Variants in NCOA1 observed in about 807,000 individuals in gnomAD.
NCOA1 encodes nuclear receptor coactivator 1.
In NCOA1, 35 loss-of-function variants were observed where a neutral mutation model predicts 150.9. The ratio of observed to expected loss-of-function variants is 0.23; its 90% CI spans 0.18 to 0.31. NCOA1 has a LOEUF of 0.31. Ranked by LOEUF, NCOA1 falls within the 10% of genes least tolerant of loss-of-function variation. The pLI, the probability that NCOA1 is intolerant of heterozygous loss-of-function variation, is 1.00. For synonymous variants in NCOA1, 590 were observed against 630.0 expected, an observed-to-expected ratio of 0.94 and a Z score of 0.95; for missense variants, 1,491 against 1,749.3, an observed-to-expected ratio of 0.85 and a Z score of 2.63.
chr2:24,631,452 A>G (rs1669705234), intron 3 of NCOA1, among the ~76,000 whole-genome samples: 2 of 152,228 alleles, frequency 1.3e-5, no homozygotes, highest in South Asian at 4.1e-4. Flanking sequence ...TGTTTTTGAT[A>G]ACAAATTTTC....
At chr2:24,699,894 C>T (rs932862127) in intron 11 of NCOA1, among the ~76,000 whole-genome samples, 1 of 152,260 alleles carries the variant, frequency 6.6e-6, no homozygotes, top group Non-Finnish European at 1.5e-5. Flanking sequence ...CCTGTAATCC[C>T]AACACTTTGG....
rs1211788149 is a variant in NCOA1 at position 24,668,566 on chromosome 2, A to T, written c.256+2651A>T. Reference sequence around the variant, plus strand: ...ATGAGTGCCAAATAGACATGCTCAGACATTCAGAGTCTCAAAGGTATTACC... The same window carrying T: ...ATGAGTGCCAAATAGACATGCTCAGTCATTCAGAGTCTCAAAGGTATTACC... On this transcript the variant is annotated intron_variant, in intron 6 of 22. Coordinates refer to ENST00000348332, the MANE Select transcript of NCOA1 (RefSeq NM_003743.5). Among the ~76,000 whole-genome samples, 3 of 152,306 alleles carry T rather than the reference A, an allele frequency of 2.0e-5. No homozygotes were observed. The East Asian group carries it at 5.8e-4, about 29-fold the overall frequency.
intron 13 of NCOA1, among the ~76,000 whole-genome samples, chr2:24,709,005 G>A (rs564664284): frequency 6.6e-6 from 1 of 152,208 alleles, no homozygotes; most frequent in East Asian, 1.9e-4. Context: ...CTGTCCTTTT[G>A]TGGTGCTTCA....
In NCOA1 at chr2:24,567,635, A is replaced by C. The variant is rs190344815; in HGVS notation, c.-260+3205A>C. ...TAAGTTCTATATTCAGACCTTAACA[A>C]AAGTAAAGATTAGGGAATAGGAAGT... is the stretch of plus-strand genomic sequence containing the variant. On this transcript the variant is annotated intron_variant, in intron 2 of 22. Coordinates refer to ENST00000348332, the MANE Select transcript of NCOA1 (RefSeq NM_003743.5). 4.2e-3 allele frequency among the ~76,000 whole-genome samples: 635 copies of C among 152,356 alleles called. 3 individuals are homozygous for C. Among genetic ancestry groups the C allele is most frequent in the Middle Eastern group, 0.01 (3 of 294 alleles).
chr2:24,734,456 G>A (rs1265412460), intron 17 of NCOA1, among the ~76,000 whole-genome samples: 1 of 152,074 alleles, frequency 6.6e-6, no homozygotes, highest in African/African-American at 2.4e-5. Context: ...AATAAAATGA[G>A]GGTATACTTG....
intron 1 of NCOA1, among the ~76,000 whole-genome samples, chr2:24,549,281 T>G (rs1558785136): frequency 6.6e-6 from 1 of 152,016 alleles, no homozygotes; most frequent in Non-Finnish European, 1.5e-5. Context: ...ATGGCTGGAG[T>G]GGCTGGCACA....
intron 3 of NCOA1, among the ~76,000 whole-genome samples, chr2:24,610,446 G>A (rs991534613): frequency 5.3e-5 from 8 of 151,706 alleles, no homozygotes; most frequent in Admixed American, 2.6e-4. Flanking sequence ...CAGCCTTTAC[G>A]CTGCATTCTG....
intron 7 of NCOA1, among the ~76,000 whole-genome samples, chr2:24,675,607 G>A (rs532496545): frequency 2.0e-5 from 3 of 152,314 alleles, no homozygotes; most frequent in Non-Finnish European, 2.9e-5. Flanking sequence ...TAAACAGTCC[G>A]GGCGCGGTGC....
intron 8 of NCOA1, among the ~76,000 whole-genome samples, chr2:24,689,695 T>A (rs1406446891): frequency 6.6e-6 from 1 of 152,184 alleles, no homozygotes; most frequent in Non-Finnish European, 1.5e-5. Flanking sequence ...GTGGCACAAA[T>A]CCATTTTTTT....
chr2:24,604,442 TGCTGTTTAGTGTG>T (rs922602701), intron 3 of NCOA1, among the ~76,000 whole-genome samples: 2 of 152,254 alleles, frequency 1.3e-5, no homozygotes, highest in African/African-American at 4.8e-5. Flanking sequence ...CATTGAAATC[TGCTGTTTAGTGTG>T]GCCACTTTCA....
At position 24,660,249 on chromosome 2, in the gene NCOA1, T is replaced by C. The variant is rs56332314; in HGVS notation, c.89+1483T>C. ...AAGCTAAGAATAAATATCTTTTACA[T>C]TTAATTTTTTGTTTGGGGAAATTTT... On this transcript the variant is annotated intron_variant, in intron 5 of 22. Transcript: ENST00000348332. Among the ~76,000 whole-genome samples the C allele has an allele frequency of 5.7e-4, 87 of 152,318 alleles. 1 individual carries two copies. Among genetic ancestry groups the C allele is most frequent in the African/African-American group, 2.0e-3 (82 of 41,580 alleles).
intron 3 of NCOA1, among the ~76,000 whole-genome samples, chr2:24,619,846 T>G (rs537761042): frequency 6.6e-6 from 1 of 152,138 alleles, no homozygotes; most frequent in South Asian, 2.1e-4. Context: ...TGATAAATAA[T>G]AGAGATTATT....
chr2:24,644,691 C>T (rs1309186111), intron 4 of NCOA1, among the ~76,000 whole-genome samples: 1 of 151,934 alleles, frequency 6.6e-6, no homozygotes. Flanking sequence ...CAAGCCAAGA[C>T]AGTAGATAAA....
chr2:24,571,398 G>T (rs528176556), intron 2 of NCOA1, among the ~76,000 whole-genome samples: 72 of 152,300 alleles, frequency 4.7e-4, no homozygotes, highest in African/African-American at 1.7e-3. Context: ...GCCTGCAAGG[G>T]ACAGTTTTAC....
At chr2:24,593,961 G>A in intron 3 of NCOA1, among the ~76,000 whole-genome samples, 1 of 152,026 alleles carries the variant, frequency 6.6e-6, no homozygotes, top group Admixed American at 6.6e-5. Context: ...ACCATTCTTT[G>A]ATAAACAGAA....
chr2:24,653,696 C>T (rs1307537675), intron 4 of NCOA1, among the ~76,000 whole-genome samples: 2 of 152,056 alleles, frequency 1.3e-5, no homozygotes. Context: ...AATAAAAAAA[C>T]ATAGGCCCAG....
intron 1 of NCOA1, among the ~76,000 whole-genome samples, chr2:24,551,066 G>A (rs1244751041): frequency 6.7e-6 from 1 of 150,182 alleles, no homozygotes; most frequent in Admixed American, 6.6e-5. Flanking sequence ...CTGCACTCCA[G>A]CCTGGGTGAC....
Position 24,584,451 on chromosome 2 carries a change from T to C in NCOA1, c.-259-25T>C, listed in dbSNP as rs542566849. ...ATTGATCCAAGTAGATCCAATTGAT[T>C]GACTTACTGTTTTCCTAATTTCAGG... On this transcript the variant is annotated intron_variant, in intron 2 of 22. Coordinates refer to ENST00000348332, the MANE Select transcript of NCOA1 (RefSeq NM_003743.5). The C allele has an allele frequency of 2.0e-5, 3 of 152,320 alleles. No individual in the cohort carries two copies. The South Asian group carries it at 6.2e-4, about 32-fold the overall frequency. 9.4% of individuals were successfully genotyped at this position (152,320 alleles called of 1,614,324 possible). A position where few individuals can be genotyped will look rare whatever the true frequency, so the allele number is the denominator to read the frequency against.
intron 3 of NCOA1, among the ~76,000 whole-genome samples, chr2:24,611,986 T>C (rs1668650166): frequency 6.6e-6 from 1 of 152,192 alleles, no homozygotes; most frequent in Admixed American, 6.5e-5. Context: ...GTAGTTTCTA[T>C]TGTGTGGTTG....
Sources: allele counts gnomAD v4.1 joint callset (sites outside exome capture counted in the v4.1 genomes callset), GRCh38; gene constraint gnomAD v4.1.1; transcripts MANE v1.5; gene names NCBI Gene and HGNC (gene_info 2026-07-23, HGNC 2026-07-21).